BMPR1B: variants seen among roughly 807,000 people sequenced by gnomAD.
The protein encoded by BMPR1B is bone morphogenetic protein receptor type 1B.
In BMPR1B, 12 loss-of-function variants were observed where a neutral mutation model predicts 59.1. The ratio of observed to expected loss-of-function variants is 0.20; its 90% CI spans 0.13 to 0.33. BMPR1B has a LOEUF of 0.33. Ranked by LOEUF, BMPR1B falls within the 10% of genes least tolerant of loss-of-function variation. BMPR1B has a pLI of 1.00. For missense variants in BMPR1B, 550 were observed against 610.9 expected, an observed-to-expected ratio of 0.90 and a Z score of 1.05; for synonymous variants, 237 against 207.3, an observed-to-expected ratio of 1.14 and a Z score of -1.23.
intron 10 of BMPR1B, among the ~76,000 whole-genome samples, chr4:95,134,023 C>T (rs1223622075): frequency 2.0e-5 from 3 of 152,028 alleles, no homozygotes; most frequent in African/African-American, 7.2e-5. Flanking sequence ...GCTATCCCTC[C>T]CCCCTCCACC....
Position 95,152,726 on chromosome 4 carries a change from A to C in BMPR1B, c.1336A>C (p.Ile446Leu), listed in dbSNP as rs1325757207. 7 of 1,607,986 alleles carry C rather than the reference A, an allele frequency of 4.4e-6. No homozygotes were observed. Among genetic ancestry groups the C allele is most frequent in the Non-Finnish European group, 5.9e-6 (7 of 1,177,128 alleles). The change falls in exon 12 of 13, where the codon ATC becomes CTC. Residue 446 changes from isoleucine (I) to leucine (L), a missense_variant. Ile to Leu is a conservative substitution (Grantham distance 5). Transcript: ENST00000515059. ...SYEDMREIVCIKKLRPSFPNR... is the reference protein window; with the variant it reads ...SYEDMREIVCLKKLRPSFPNR... The stretch of plus-strand genomic sequence containing the variant: ...TGAGGACATGAGGGAGATTGTGTGC[A>C]TCAAGAAGTTACGCCCCTCATTCCC...
At chr4:95,037,450 T>C (rs2149166707) in intron 3 of BMPR1B, among the ~76,000 whole-genome samples, 1 of 152,296 alleles carries the variant, frequency 6.6e-6, no homozygotes, top group East Asian at 1.9e-4. Flanking sequence ...TCACCTATAC[T>C]TGTGTGAATG....
intron 2 of BMPR1B, among the ~76,000 whole-genome samples, chr4:94,900,375 T>G (rs896822531): frequency 2.0e-5 from 3 of 151,896 alleles, no homozygotes; most frequent in Non-Finnish European, 4.4e-5. Context: ...GAAATAAGTT[T>G]TAAGAACATT....
chr4:94,870,727 A>G (rs145510648), intron 1 of BMPR1B, among the ~76,000 whole-genome samples: 9 of 152,278 alleles, frequency 5.9e-5, no homozygotes, highest in African/African-American at 1.2e-4. Flanking sequence ...ATTAGCCTCT[A>G]TTAGCACAAT....
chr4:95,084,936 A>G (rs762615782), intron 3 of BMPR1B, among the ~76,000 whole-genome samples: 15 of 152,154 alleles, frequency 9.9e-5, no homozygotes, highest in Non-Finnish European at 2.2e-4. Flanking sequence ...TGATTCCTAC[A>G]CCTGCTTGGA....
At chr4:95,104,962 A>G (rs1039658382) in intron 4 of BMPR1B, among the ~76,000 whole-genome samples, 7 of 152,078 alleles carry the variant, frequency 4.6e-5, no homozygotes, top group Non-Finnish European at 1.0e-4. Flanking sequence ...TGATGTTAGT[A>G]TTTTGGAAAG....
At chr4:94,762,060 C>T (rs1423372647) in intron 1 of BMPR1B, among the ~76,000 whole-genome samples, 1 of 152,014 alleles carries the variant, frequency 6.6e-6, no homozygotes, top group African/African-American at 2.4e-5. Context: ...TTTTTAAAGC[C>T]CATCACAGTG....
chr4:94,770,888 C>CAAAAAAAA (rs11292596), intron 1 of BMPR1B, among the ~76,000 whole-genome samples: 2 of 88,296 alleles, frequency 2.3e-5, no homozygotes, highest in African/African-American at 4.3e-5. Flanking sequence ...ATTAGCCCTG[C>CAAAAAAAA]AAAAAAAAAA....
intron 1 of BMPR1B, among the ~76,000 whole-genome samples, chr4:94,815,449 AAAGTGG>A (rs1723975721): frequency 1.3e-5 from 2 of 152,232 alleles, no homozygotes; most frequent in Non-Finnish European, 2.9e-5. Context: ...TAAAGTTTTA[AAAGTGG>A]AATTACTAGG....
intron 2 of BMPR1B, among the ~76,000 whole-genome samples, chr4:94,989,403 AC>A (rs143074704): frequency 3.5e-4 from 50 of 143,262 alleles, no homozygotes; most frequent in Middle Eastern, 3.7e-3. Context: ...AAAAAAAAAA[AC>A]AAAAAAAATC....
At chr4:94,872,463 T>C (rs1726539003) in intron 1 of BMPR1B, among the ~76,000 whole-genome samples, 1 of 151,854 alleles carries the variant, frequency 6.6e-6, no homozygotes, top group African/African-American at 2.4e-5. Flanking sequence ...TTCTAACTTT[T>C]GATTAAAGTA....
intron 2 of BMPR1B, among the ~76,000 whole-genome samples, chr4:94,889,847 A>G (rs1257960160): frequency 6.6e-6 from 1 of 151,972 alleles, no homozygotes; most frequent in East Asian, 1.9e-4. Flanking sequence ...AAGATTTAGG[A>G]GGAGGAGGAA....
intron 3 of BMPR1B, among the ~76,000 whole-genome samples, chr4:95,059,175 C>T (rs930883369): frequency 7.9e-5 from 12 of 151,958 alleles, no homozygotes; most frequent in Non-Finnish European, 1.3e-4. Context: ...TGCAGTGACC[C>T]GGAAAACAAC....
intron 2 of BMPR1B, among the ~76,000 whole-genome samples, chr4:94,953,161 C>T (rs182205092): frequency 1.8e-4 from 28 of 152,056 alleles, no homozygotes; most frequent in East Asian, 3.9e-4. Flanking sequence ...TGTCTCTGCA[C>T]GTGAGATGGG....
intron 10 of BMPR1B, among the ~76,000 whole-genome samples, chr4:95,144,416 C>G (rs945109417): frequency 2.0e-5 from 3 of 151,632 alleles, no homozygotes; most frequent in African/African-American, 7.3e-5. Context: ...CTCAAGCAAG[C>G]AATCCACCTG....
chr4:95,015,657 G>C (rs1723532772), intron 3 of BMPR1B, among the ~76,000 whole-genome samples: 1 of 151,838 alleles, frequency 6.6e-6, no homozygotes, highest in Non-Finnish European at 1.5e-5. Flanking sequence ...AAAAGTGCTG[G>C]AATTACAGGC....
chr4:95,119,714 A>G (rs1000359854), intron 6 of BMPR1B, among the ~76,000 whole-genome samples: 20 of 152,208 alleles, frequency 1.3e-4, no homozygotes, highest in African/African-American at 4.6e-4. Flanking sequence ...GTGTTTTCAG[A>G]TGGAGATTAC....
intron 1 of BMPR1B, among the ~76,000 whole-genome samples, chr4:94,853,687 C>G (rs1725646641): frequency 6.6e-6 from 1 of 152,058 alleles, no homozygotes; most frequent in South Asian, 2.1e-4. Flanking sequence ...CATGGTCAGA[C>G]TAGCAGCACA....
At chr4:95,043,732 C>T (rs988392435) in intron 3 of BMPR1B, among the ~76,000 whole-genome samples, 3 of 152,158 alleles carry the variant, frequency 2.0e-5, no homozygotes, top group Non-Finnish European at 2.9e-5. Context: ...TTTAAGAGAA[C>T]ACAGTTTGGG....
Sources: gnomAD v4.1 joint callset for allele counts (sites outside exome capture counted in the v4.1 genomes callset) on GRCh38, gnomAD v4.1.1 for gene constraint, MANE v1.5 for transcripts, NCBI Gene and HGNC (gene_info 2026-07-23, HGNC 2026-07-21) for gene names.